NKAIN3: variants seen among roughly 807,000 people sequenced by gnomAD.
NKAIN3 encodes sodium/potassium-transporting ATPase subunit beta-1-interacting protein 3.
A neutral mutation model predicts 30.2 loss-of-function variants in NKAIN3; 25 were observed. That is an observed-to-expected ratio of 0.83 (90% CI 0.60 to 1.16). The LOEUF (loss-of-function observed/expected upper bound fraction) is 1.16, where lower values mean the gene tolerates loss of function less well. NKAIN3 is among the 50% of genes most tolerant of loss of function. The pLI, the probability that NKAIN3 is intolerant of heterozygous loss-of-function variation, is 0.00. For missense variants in NKAIN3, 225 were observed against 254.1 expected (o/e 0.89, Z 0.78); for synonymous variants, 91 against 89.6 (o/e 1.02, Z -0.09).
At chr8:62,542,061 C>T (rs987393336) in intron 1 of NKAIN3, among the ~76,000 whole-genome samples, 1 of 152,204 alleles carries the variant, frequency 6.6e-6, no homozygotes, top group African/African-American at 2.4e-5. Flanking sequence ...ACTCATAGGT[C>T]TTTTCTCCTG....
In NKAIN3 at chr8:62,486,025, T is replaced by C. The variant is rs190487444; in HGVS notation, c.55-93514T>C. ...TGAGAGTGTCAGTTTAGGAATAAGA[T>C]CAGGGTTAGAGATAAAAGAAAATGT... On this transcript the variant is annotated intron_variant, in intron 1 of 6. Transcript: ENST00000623646. Among the ~76,000 whole-genome samples the C allele has an allele frequency of 6.5e-3, 982 of 152,112 alleles. 1 individual carries two copies. Among genetic ancestry groups the C allele is most frequent in the Non-Finnish European group, 0.011 (725 of 67,998 alleles).
chr8:62,565,398 G>A (rs1287661191), intron 1 of NKAIN3, among the ~76,000 whole-genome samples: 2 of 151,898 alleles, frequency 1.3e-5, no homozygotes, highest in Non-Finnish European at 1.5e-5. Flanking sequence ...GAGAGCACCA[G>A]GCATGGATTT....
intron 4 of NKAIN3, among the ~76,000 whole-genome samples, chr8:62,886,632 AGGTCTTTTC>A (rs1821156075): frequency 6.6e-6 from 1 of 152,086 alleles, no homozygotes; most frequent in African/African-American, 2.4e-5. Flanking sequence ...AGGTTGGTGA[AGGTCTTTTC>A]TTAACAGTAA....
Position 62,888,299 on chromosome 8 carries a change from T to C in NKAIN3, c.472-30154T>C, listed in dbSNP as rs557115486. On this transcript the variant is annotated intron_variant, in intron 4 of 6. Transcript: ENST00000623646. ...CTCTGACATATTTCAAAACGGTTTC[T>C]TTTCCCCTAGCCCTGCTGAGGGCAC... is the stretch of plus-strand genomic sequence containing the variant. 4.6e-5 allele frequency among the ~76,000 whole-genome samples: 7 copies of C among 152,336 alleles called. No homozygotes were observed. In the South Asian group the frequency reaches 1.2e-3, roughly 27 times the overall value.
chr8:62,623,664 TG>T (rs1353021504), intron 3 of NKAIN3, among the ~76,000 whole-genome samples: 1 of 152,122 alleles, frequency 6.6e-6, no homozygotes, highest in East Asian at 1.9e-4. Context: ...AAGGCAGGTC[TG>T]CTGGCCACAA....
At chr8:62,751,506 T>G (rs1816283071) in intron 4 of NKAIN3, among the ~76,000 whole-genome samples, 1 of 152,172 alleles carries the variant, frequency 6.6e-6, no homozygotes, top group African/African-American at 2.4e-5. Context: ...TGACTATATA[T>G]TCTTATTTGC....
At chr8:62,885,523 A>T (rs906103715) in intron 4 of NKAIN3, among the ~76,000 whole-genome samples, 1 of 152,216 alleles carries the variant, frequency 6.6e-6, no homozygotes, top group Non-Finnish European at 1.5e-5. Flanking sequence ...GTTGAGTTCA[A>T]CTACGTTCTT....
chr8:62,637,743 C>T (rs1246676013), intron 3 of NKAIN3, among the ~76,000 whole-genome samples: 5 of 152,094 alleles, frequency 3.3e-5, no homozygotes, highest in South Asian at 2.1e-4. Flanking sequence ...TGGATGCCTC[C>T]GGTGTCTGGG....
chr8:62,358,263 C>G (rs1156645688), intron 1 of NKAIN3, among the ~76,000 whole-genome samples: 2 of 102,002 alleles, frequency 2.0e-5, no homozygotes, highest in Non-Finnish European at 3.8e-5. Flanking sequence ...TTTTTTAGTA[C>G]TCAAAAGATC....
At chr8:62,505,730 G>A (rs1470834910) in intron 1 of NKAIN3, among the ~76,000 whole-genome samples, 1 of 151,956 alleles carries the variant, frequency 6.6e-6, no homozygotes, top group Non-Finnish European at 1.5e-5. Context: ...TATTTATTTG[G>A]CACCAAAGAA....
intron 5 of NKAIN3, among the ~76,000 whole-genome samples, chr8:62,952,438 T>C (rs1007770544): frequency 1.3e-5 from 2 of 152,136 alleles, no homozygotes; most frequent in Non-Finnish European, 2.9e-5. Context: ...AATAGAATAT[T>C]TTTGTGATGA....
chr8:62,464,111 C>G (rs1027134648), intron 1 of NKAIN3, among the ~76,000 whole-genome samples: 2 of 152,112 alleles, frequency 1.3e-5, no homozygotes, highest in Non-Finnish European at 2.9e-5. Context: ...GACAAATGTA[C>G]CTTGATATTG....
intron 2 of NKAIN3, among the ~76,000 whole-genome samples, chr8:62,583,448 T>G (rs1193172287): frequency 2.6e-5 from 4 of 152,178 alleles, no homozygotes; most frequent in Non-Finnish European, 1.5e-5. Flanking sequence ...GGATCCTCTC[T>G]CAGGAAGGGG....
At chr8:62,634,700 C>G (rs983228263) in intron 3 of NKAIN3, among the ~76,000 whole-genome samples, 1 of 152,150 alleles carries the variant, frequency 6.6e-6, no homozygotes, top group East Asian at 1.9e-4. Context: ...TGGAAAGGAG[C>G]AAAGTCATGC....
At chr8:62,447,757 C>G (rs1585818605) in intron 1 of NKAIN3, among the ~76,000 whole-genome samples, 1 of 151,994 alleles carries the variant, frequency 6.6e-6, no homozygotes, top group Non-Finnish European at 1.5e-5. Context: ...TAGATCCCCC[C>G]TTCCTTGGAT....
intron 2 of NKAIN3, among the ~76,000 whole-genome samples, chr8:62,582,309 A>T (rs1215606853): frequency 1.3e-5 from 2 of 152,138 alleles, no homozygotes; most frequent in African/African-American, 4.8e-5. Flanking sequence ...ACTGGTGAGC[A>T]AAAACAGACA....
At chr8:62,313,193 T>C (rs1814503267) in intron 1 of NKAIN3, among the ~76,000 whole-genome samples, 1 of 152,160 alleles carries the variant, frequency 6.6e-6, no homozygotes. Flanking sequence ...AATGTATGCC[T>C]TTAATACATA....
At chr8:62,901,450 G>C (rs573250817) in intron 4 of NKAIN3, among the ~76,000 whole-genome samples, 6 of 152,228 alleles carry the variant, frequency 3.9e-5, no homozygotes, top group African/African-American at 1.4e-4. Context: ...TAAGAAAAAA[G>C]AAGAGAGAGA....
At chr8:62,536,924 C>G (rs887703334) in intron 1 of NKAIN3, among the ~76,000 whole-genome samples, 1 of 152,060 alleles carries the variant, frequency 6.6e-6, no homozygotes, top group Non-Finnish European at 1.5e-5. Context: ...CTCCATATCA[C>G]TGAGAACCTC....
Sources: allele counts gnomAD v4.1 joint callset (sites outside exome capture counted in the v4.1 genomes callset), GRCh38; gene constraint gnomAD v4.1.1; transcripts MANE v1.5; gene names NCBI Gene and HGNC (gene_info 2026-07-23, HGNC 2026-07-21).